The following LARGE1 variants were observed in gnomAD, a reference collection of about 807,000 sequenced individuals.
LARGE1 encodes the protein LARGE xylosyl- and glucuronyltransferase 1, also known as xylosyl- and glucuronyltransferase LARGE1.
A neutral mutation model predicts 87.6 loss-of-function variants in LARGE1; 43 were observed. The ratio of observed to expected loss-of-function variants is 0.49; its 90% CI spans 0.38 to 0.63. The LOEUF (loss-of-function observed/expected upper bound fraction) is 0.63. LARGE1 is among the 30% of genes least tolerant of loss of function. LARGE1 has a pLI of 0.00. For missense variants in LARGE1, 802 were observed against 1,000.2 expected (o/e 0.80, Z 2.67); for synonymous variants, 434 against 394.6 (o/e 1.10, Z -1.18).
At chr22:33,673,507 C>CA (rs963917548) in intron 2 of LARGE1, among the ~76,000 whole-genome samples, 5 of 152,064 alleles carry the variant, frequency 3.3e-5, no homozygotes, top group Admixed American at 6.6e-5. Context: ...CCATTCTTGT[C>CA]AAAAAAATTA....
chr22:33,359,996 G>A (rs951033593), intron 9 of LARGE1, among the ~76,000 whole-genome samples: 1 of 149,480 alleles, frequency 6.7e-6, no homozygotes, highest in Non-Finnish European at 1.5e-5. Flanking sequence ...GTTAAATGAA[G>A]GTTGCCAGTT....
intron 7 of LARGE1, among the ~76,000 whole-genome samples, chr22:33,403,357 A>T (rs1175063259): frequency 6.6e-6 from 1 of 152,204 alleles, no homozygotes; most frequent in East Asian, 1.9e-4. Flanking sequence ...GGGCTAAAAA[A>T]TTCCACTTGT....
chr22:33,099,550 C>T, the LARGE1 span, among the ~76,000 whole-genome samples: 27 of 152,138 alleles, frequency 1.8e-4, no homozygotes, highest in African/African-American at 4.1e-4. Flanking sequence ...CCGCGCCCGG[C>T]GAGGATGCTA....
chr22:33,816,238 T>C (rs888291537), intron 1 of LARGE1, among the ~76,000 whole-genome samples: 2 of 152,196 alleles, frequency 1.3e-5, no homozygotes, highest in Non-Finnish European at 2.9e-5. Flanking sequence ...TCATCCTCCA[T>C]AAGCAGTCTG....
intron 12 of LARGE1, among the ~76,000 whole-genome samples, chr22:33,285,831 A>T (rs1435097153): frequency 3.3e-5 from 5 of 152,174 alleles, no homozygotes; most frequent in African/African-American, 1.2e-4. Flanking sequence ...ACAGGACATC[A>T]GCAGGGCTTC....
intron 11 of LARGE1, among the ~76,000 whole-genome samples, chr22:33,244,119 G>T (rs1477578800): frequency 2.0e-5 from 3 of 151,876 alleles, no homozygotes; most frequent in Non-Finnish European, 4.4e-5. Context: ...CTCCCAAATA[G>T]CTGGGATTAC....
At chr22:33,519,998 C>CTT (rs397868082) in intron 6 of LARGE1, among the ~76,000 whole-genome samples, 1,377 of 96,980 alleles carry the variant, frequency 0.014, 18 homozygotes, top group African/African-American at 0.033. Context: ...TGGTTTTTCT[C>CTT]TTTTTTTTTT....
chr22:33,284,551 C>T (rs539738882), intron 12 of LARGE1, among the ~76,000 whole-genome samples: 36 of 151,820 alleles, frequency 2.4e-4, no homozygotes, highest in South Asian at 8.3e-4. Flanking sequence ...GAGCCATCCA[C>T]GGCCAAGCAT....
chr22:33,326,996 G>C (rs930409520), intron 10 of LARGE1, among the ~76,000 whole-genome samples: 4 of 152,180 alleles, frequency 2.6e-5, no homozygotes, highest in Non-Finnish European at 4.4e-5. Flanking sequence ...GCCTGTCTTA[G>C]GGTTTTGGGT....
intron 1 of LARGE1, among the ~76,000 whole-genome samples, chr22:33,766,951 T>TATATATATATATATATATAC (rs2084925872): frequency 2.5e-5 from 1 of 40,596 alleles, no homozygotes; most frequent in Non-Finnish European, 5.1e-5. Context: ...TATATATATA[T>TATATATATATATATATATAC]ATATATATAT....
intron 11 of LARGE1, among the ~76,000 whole-genome samples, chr22:33,217,796 C>T (rs1254855544): frequency 2.0e-5 from 3 of 152,000 alleles, no homozygotes; most frequent in Non-Finnish European, 4.4e-5. Context: ...ATGAAATTTA[C>T]CATCTTAACC....
At chr22:33,158,851 T>C (rs1018517240), downstream of LARGE1, among the ~76,000 whole-genome samples, 1 of 152,182 alleles carries the variant, frequency 6.6e-6, no homozygotes, top group Non-Finnish European at 1.5e-5. Context: ...AATTAGAAGT[T>C]AAATGTAGAT....
intron 3 of LARGE1, among the ~76,000 whole-genome samples, chr22:33,643,472 A>G (rs1312218077): frequency 6.6e-6 from 1 of 151,692 alleles, no homozygotes; most frequent in Non-Finnish European, 1.5e-5. Context: ...CACCCTAACA[A>G]CTAGAGAAGC....
intron 5 of LARGE1, among the ~76,000 whole-genome samples, chr22:33,565,329 T>C (rs1381299858): frequency 1.3e-5 from 2 of 152,112 alleles, no homozygotes; most frequent in East Asian, 3.8e-4. Flanking sequence ...ATAGATCCAC[T>C]AGAGAAAAAA....
chr22:33,534,029 A>G (rs5754590), intron 6 of LARGE1, among the ~76,000 whole-genome samples: 82,318 of 151,638 alleles, frequency 0.54, 22,978 homozygotes, highest in Admixed American at 0.64. Context: ...ACTCTTCATA[A>G]TGCGGATGAG....
At chr22:33,098,739 C>T in the LARGE1 span, among the ~76,000 whole-genome samples, 1 of 152,180 alleles carries the variant, frequency 6.6e-6, no homozygotes, top group Non-Finnish European at 1.5e-5. Context: ...AGCTGGCGTT[C>T]TCTAACTAAA....
At chr22:33,354,437 A>C (rs1940700889) in intron 9 of LARGE1, among the ~76,000 whole-genome samples, 1 of 152,234 alleles carries the variant, frequency 6.6e-6, no homozygotes, top group Non-Finnish European at 1.5e-5. Flanking sequence ...ACTATAAAGA[A>C]ATCAATTTAC....
At chr22:33,726,424 T>C (rs889957651) in intron 2 of LARGE1, among the ~76,000 whole-genome samples, 2 of 152,222 alleles carry the variant, frequency 1.3e-5, no homozygotes, top group African/African-American at 4.8e-5. Flanking sequence ...CTTCCAGCTT[T>C]AACATCTTCA....
intron 1 of LARGE1, among the ~76,000 whole-genome samples, chr22:33,870,204 T>C (rs971747796): frequency 3.3e-5 from 5 of 152,144 alleles, no homozygotes; most frequent in African/African-American, 1.2e-4. Context: ...GGGACGCATC[T>C]ACCAGCCAGA....
Sources: allele counts gnomAD v4.1 joint callset (sites outside exome capture counted in the v4.1 genomes callset), GRCh38; gene constraint gnomAD v4.1.1; transcripts MANE v1.5; gene names NCBI Gene and HGNC (gene_info 2026-07-23, HGNC 2026-07-21).